The following TSPEAR variants were observed in gnomAD, a reference collection of about 807,000 sequenced individuals.
TSPEAR encodes the protein thrombospondin-type laminin G domain and EAR repeat-containing protein.
Under a neutral mutation model 71.6 loss-of-function variants are expected in TSPEAR, and 69 were observed. That is an observed-to-expected ratio of 0.96 (90% CI 0.79 to 1.18). TSPEAR has a LOEUF of 1.18. Among genes scored for constraint, TSPEAR ranks in the 50% most tolerant of loss-of-function variants. The pLI is 0.00. For missense variants in TSPEAR, 971 were observed against 894.9 expected, an observed-to-expected ratio of 1.09 and a Z score of -1.09; for synonymous variants, 402 against 387.2, an observed-to-expected ratio of 1.04 and a Z score of -0.45.
chr21:44,679,321 CT>C (rs1164749232), intron 1 of TSPEAR, among the ~76,000 whole-genome samples: 3 of 152,126 alleles, frequency 2.0e-5, no homozygotes, highest in Non-Finnish European at 2.9e-5. Context: ...AATAAAATAC[CT>C]GGCAATAAAT....
At chr21:44,574,640 C>A in intron 1 of TSPEAR, 1 of 1,287,844 alleles carries the variant, frequency 7.8e-7, no homozygotes, top group South Asian at 1.7e-5. Context: ...CTGGGGCTTC[C>A]TCTCTGTGCT....
intron 3 of TSPEAR, among the ~76,000 whole-genome samples, chr21:44,532,210 T>C (rs1555915845): frequency 6.6e-6 from 1 of 152,270 alleles, no homozygotes; most frequent in Non-Finnish European, 1.5e-5. Context: ...GGAAGTCCAC[T>C]TTTAAAACAT....
Position 44,702,076 on chromosome 21 carries a change from A to G in TSPEAR, c.82+9357T>C, listed in dbSNP as rs1350227249. 4.0e-6 allele frequency: 3 copies of G among 741,216 alleles called. No individual in the cohort carries two copies. In the Admixed American group the frequency reaches 8.5e-5, roughly 21 times the overall value. 45.9% of individuals were successfully genotyped at this position (741,216 alleles called of 1,614,324 possible). A position where few individuals can be genotyped will look rare whatever the true frequency, so the allele number is the denominator to read the frequency against. On this transcript the variant is annotated intron_variant, in intron 1 of 11. Coordinates refer to ENST00000323084, the MANE Select transcript of TSPEAR (RefSeq NM_144991.3). ...AGAGAGACCCTAAGTGCCGTCACAC[A>G]CGTTCCTATGAGAGGGAGGCAGGGA...
At chr21:44,518,183 A>G (rs782375330) in intron 9 of TSPEAR, 8 of 389,244 alleles carry the variant, frequency 2.1e-5, no homozygotes, top group East Asian at 7.3e-5. Flanking sequence ...GACAAGTATA[A>G]CTTAAAAAAA....
At chr21:44,611,341 T>A (rs782014426) in intron 1 of TSPEAR, among the ~76,000 whole-genome samples, 15 of 152,120 alleles carry the variant, frequency 9.9e-5, no homozygotes. Context: ...CTAGTGGTAG[T>A]GAATAAGTCT....
At chr21:44,585,904 C>T (rs1979305553) in intron 1 of TSPEAR, among the ~76,000 whole-genome samples, 1 of 152,206 alleles carries the variant, frequency 6.6e-6, no homozygotes, top group South Asian at 2.1e-4. Flanking sequence ...GTTTGGCTTT[C>T]ATTGCTGAAA....
At chr21:44,696,643 AAAC>A (rs1987347955) in intron 1 of TSPEAR, among the ~76,000 whole-genome samples, 1 of 152,248 alleles carries the variant, frequency 6.6e-6, no homozygotes, top group African/African-American at 2.4e-5. Context: ...AGAGAATATA[AAAC>A]AAGAAGAAAA....
intron 2 of TSPEAR, among the ~76,000 whole-genome samples, chr21:44,557,570 G>A (rs2053553375): frequency 6.6e-6 from 1 of 152,160 alleles, no homozygotes; most frequent in African/African-American, 2.4e-5. Flanking sequence ...GGTGGGTGTG[G>A]GGGATTCACA....
intron 1 of TSPEAR, among the ~76,000 whole-genome samples, chr21:44,620,637 G>A (rs782763435): frequency 2.0e-5 from 3 of 152,176 alleles, no homozygotes; most frequent in South Asian, 2.1e-4. Context: ...TCCTTGATTC[G>A]ATTGATTTTT....
At chr21:44,557,307 C>G (rs2053548679) in intron 2 of TSPEAR, among the ~76,000 whole-genome samples, 1 of 152,124 alleles carries the variant, frequency 6.6e-6, no homozygotes, top group Admixed American at 6.5e-5. Flanking sequence ...GTGAAGCACA[C>G]AAGGAAACGA....
rs587630976 is a variant in TSPEAR, at chr21:44,569,024, C to G, written c.83-1019G>C. Among the ~76,000 whole-genome samples, 406 of 152,318 alleles carry G rather than the reference C, an allele frequency of 2.7e-3. 1 individual carries two copies. Among genetic ancestry groups the G allele is most frequent in the Non-Finnish European group, 4.3e-3 (293 of 68,014 alleles). On this transcript the variant is annotated intron_variant, in intron 1 of 11. Transcript: ENST00000323084. ...ATCTCAAGCAGAGGCCTTCCTCCCC[C>G]GCCTGCCTGCACGTGGCAGGGCCCC...
intron 1 of TSPEAR, among the ~76,000 whole-genome samples, chr21:44,656,064 C>T (rs1985125848): frequency 6.6e-6 from 1 of 152,196 alleles, no homozygotes; most frequent in African/African-American, 2.4e-5. Flanking sequence ...TAGGGACAAG[C>T]CGGGCGAGGC....
chr21:44,512,020 A>G (rs115362878), intron 9 of TSPEAR, among the ~76,000 whole-genome samples: 3,899 of 152,318 alleles, frequency 0.026, 148 homozygotes, highest in African/African-American at 0.084. Flanking sequence ...ACAGAGGAAG[A>G]GGGCCCAAAG....
At chr21:44,709,144 A>C (rs1257171385) in intron 1 of TSPEAR, among the ~76,000 whole-genome samples, 3 of 130,042 alleles carry the variant, frequency 2.3e-5, no homozygotes, top group Non-Finnish European at 3.3e-5. Context: ...GACCCCGCCC[A>C]CTGGGTCCTC....
intron 10 of TSPEAR, among the ~76,000 whole-genome samples, chr21:44,507,538 T>C (rs2052232179): frequency 6.8e-6 from 1 of 148,070 alleles, no homozygotes; most frequent in Non-Finnish European, 1.5e-5. Context: ...TGGTAAGTAC[T>C]TTCTGTGTTT....
intron 1 of TSPEAR, among the ~76,000 whole-genome samples, chr21:44,569,923 G>A (rs1270293776): frequency 8.5e-5 from 13 of 152,102 alleles, no homozygotes; most frequent in Admixed American, 8.5e-4. Flanking sequence ...GGAGGTTGGG[G>A]ATGAGACTCC....
intron 10 of TSPEAR, among the ~76,000 whole-genome samples, chr21:44,507,885 C>A (rs753018885): frequency 6.6e-6 from 1 of 151,282 alleles, no homozygotes; most frequent in Non-Finnish European, 1.5e-5. Context: ...GCAGGGGCCA[C>A]GGAGCCCACA....
intron 1 of TSPEAR, chr21:44,647,689 C>CCT (rs1984525006): frequency 2.7e-6 from 1 of 369,936 alleles, no homozygotes; most frequent in African/African-American, 2.1e-5. Flanking sequence ...CCCCTGAGCC[C>CCT]CTCTGCCTAC....
At chr21:44,531,013 G>T (rs781899693) in intron 4 of TSPEAR, 30 bp downstream of exon 4, 7 of 1,576,202 alleles carry the variant, frequency 4.4e-6, no homozygotes, top group Non-Finnish European at 8.7e-7. Flanking sequence ...CGCAGCACGG[G>T]TGTTGGGAAG....
Sources: allele counts gnomAD v4.1 joint callset (sites outside exome capture counted in the v4.1 genomes callset), GRCh38; gene constraint gnomAD v4.1.1; transcripts MANE v1.5; gene names NCBI Gene and HGNC (gene_info 2026-07-23, HGNC 2026-07-21).